The following DHRS7 variants were observed in gnomAD, a reference collection of about 807,000 sequenced individuals.
DHRS7 encodes dehydrogenase/reductase 7.
A neutral mutation model predicts 38.9 loss-of-function variants in DHRS7; 34 were observed. The ratio of observed to expected loss-of-function variants is 0.87; its 90% confidence interval spans 0.66 to 1.16. DHRS7 has a LOEUF of 1.16. DHRS7 is among the 50% of genes most tolerant of loss of function. The pLI is 0.00. For synonymous variants in DHRS7, 158 were observed against 153.1 expected, an observed-to-expected ratio of 1.03 and a Z score of -0.24; for missense variants, 421 against 407.0, an observed-to-expected ratio of 1.03 and a Z score of -0.30.
intron 4 of DHRS7, among the ~76,000 whole-genome samples, chr14:60,151,227 C>T (rs1206539413): frequency 6.6e-6 from 1 of 152,134 alleles, no homozygotes; most frequent in Non-Finnish European, 1.5e-5. Flanking sequence ...TGATTGCCTA[C>T]TGAATGACTT....
rs944445 is a variant in DHRS7, at chr14:60,161,890, G to A, written c.133+3287C>T. 0.27 allele frequency among the ~76,000 whole-genome samples: 41,349 copies of A among 152,034 alleles called. 7,650 individuals carry two copies. The highest frequency in any genetic ancestry group is 0.52 in the African/African-American group (21,496 of 41,414). On this transcript the variant is annotated intron_variant, in intron 1 of 6. Coordinates refer to ENST00000557185, the MANE Select transcript of DHRS7 (RefSeq NM_016029.4). This position sits in a 1 kb window ranked among gnomAD's most constrained non-coding sequence, Gnocchi z 4.2. ...TTGCAGTTGTTGCTTCAGACACTGA[G>A]GTCTACAAATGCAACCCAAGGTTGC...
chr14:60,144,908 G>T lies in DHRS7; in HGVS notation c.*58C>A. 7.4e-7 allele frequency: 1 copy of T among 1,356,154 alleles called. No individual in the cohort carries two copies. The highest frequency in any genetic ancestry group is 1.1e-6 in the Non-Finnish European group (1 of 949,128). The allele number at this position is 1,356,154 out of a possible 1,614,324, so 84.0% of individuals were successfully genotyped here. ...GATTATTCAGAAGCATAAGAAGATTGCTGTTTTCATGTTTTCCATTTCTCC... is the reference window on the plus strand; with the variant it reads ...GATTATTCAGAAGCATAAGAAGATTTCTGTTTTCATGTTTTCCATTTCTCC... On this transcript the variant is annotated 3_prime_UTR_variant, in exon 7 of 7. Coordinates refer to ENST00000557185, the MANE Select transcript of DHRS7 (RefSeq NM_016029.4).
chr14:60,152,367 A>C (rs1896562762), intron 4 of DHRS7, among the ~76,000 whole-genome samples: 2 of 152,192 alleles, frequency 1.3e-5, no homozygotes, highest in African/African-American at 2.4e-5. Flanking sequence ...TTCTTCTTCC[A>C]ATGAAACCAG....
intron 1 of DHRS7, among the ~76,000 whole-genome samples, chr14:60,158,316 T>C (rs541674172): frequency 4.0e-5 from 6 of 151,392 alleles, no homozygotes; most frequent in African/African-American, 7.3e-5. Flanking sequence ...TTTCCTGTCA[T>C]ATAACGTACT....
chr14:60,166,643 TC>T (rs10711394), upstream of DHRS7, among the ~76,000 whole-genome samples: 40,372 of 152,040 alleles, frequency 0.27, 7,270 homozygotes, highest in African/African-American at 0.51. Flanking sequence ...CCTACCTGCC[TC>T]CCCACCCTCA....
In DHRS7 at chr14:60,153,085, A is replaced by G. The variant is rs190571329; in HGVS notation, c.487T>C (p.Tyr163His). 8.7e-6 allele frequency: 14 copies of G among 1,614,232 alleles called. No individual in the cohort carries two copies. In the Admixed American group the frequency reaches 2.2e-4, roughly 25 times the overall value. The change falls in exon 4 of 7, where the codon TAC becomes CAC. Residue 163 changes from tyrosine (Y) to histidine (H), a missense_variant. By Grantham distance (83) the Tyr-to-His change is moderately conservative (BLOSUM62 2). Coordinates refer to ENST00000557185, the MANE Select transcript of DHRS7 (RefSeq NM_016029.4). This position sits in a 1 kb window ranked among gnomAD's most constrained non-coding sequence, Gnocchi z 4.4. ...DVYRKLIELNYLGTVSLTKCV... is the reference protein window; with the variant it reads ...DVYRKLIELNHLGTVSLTKCV... ...TTTGTCAAGGACACCGTCCCTAAGT[A>G]GTTAAGCTCTATTAGCTTTCTGTAG...
At position 60,165,155 on chromosome 14, in the gene DHRS7, A is replaced by G; in HGVS notation, c.133+22T>C. On this transcript the variant is annotated intron_variant, in intron 1 of 6. Coordinates refer to ENST00000557185, the MANE Select transcript of DHRS7 (RefSeq NM_016029.4). The surrounding 1 kb of genome is among the most constrained non-coding windows in gnomAD (Gnocchi z 4.6). Reference sequence around the variant, plus strand: ...CTCCGAGCCCGGCCTCCCACTCGGGAGAGGCTTTGGCCGGTCCTCACCTGG... The same window carrying G: ...CTCCGAGCCCGGCCTCCCACTCGGGGGAGGCTTTGGCCGGTCCTCACCTGG... 1 of 1,610,838 alleles carries G rather than the reference A, an allele frequency of 6.2e-7. No homozygotes were observed. The highest frequency in any genetic ancestry group is 1.3e-5 in the African/African-American group (1 of 74,996).
chr14:60,165,550 A>G, upstream of DHRS7: 1 of 1,266,976 alleles, frequency 7.9e-7, no homozygotes, highest in Non-Finnish European at 9.9e-7. The surrounding 1 kb of genome is among the most constrained non-coding windows in gnomAD (Gnocchi z 4.6). Flanking sequence ...GGGCCGGCAG[A>G]TTGCTTGAAT....
At position 60,144,692 on chromosome 14, in the gene DHRS7, C is replaced by A. The variant is rs1305707892; in HGVS notation, c.*274G>T. 9.2e-6 allele frequency: 3 copies of A among 327,796 alleles called. No individual in the cohort carries two copies. The allele number at this position is 327,796 out of a possible 1,614,324, so 20.3% of individuals were successfully genotyped here. A position where few individuals can be genotyped will look rare whatever the true frequency, so the allele number is the denominator to read the frequency against. On this transcript the variant is annotated 3_prime_UTR_variant, in exon 7 of 7. Transcript: ENST00000557185. ...TTATAGCAGCACAAATGGACTAAGA[C>A]AAATCTGTTAACTTAGATTTTAAGC...
At position 60,165,361 on chromosome 14, in the gene DHRS7, C is replaced by A. The variant is rs767512864; in HGVS notation, c.-52G>T. 7.4e-5 allele frequency: 114 copies of A among 1,537,542 alleles called. No individual in the cohort carries two copies. The South Asian group carries it at 1.3e-3, about 17-fold the overall frequency. ...GGAAGAAGACGGCCCGCACCAGAGT[C>A]GCGTCGCTGCCCTGCGGGATCGCAG... On this transcript the variant is annotated 5_prime_UTR_variant, in exon 1 of 7. Coordinates refer to ENST00000557185, the MANE Select transcript of DHRS7 (RefSeq NM_016029.4). This position sits in a 1 kb window ranked among gnomAD's most constrained non-coding sequence, Gnocchi z 4.6.
chr14:60,169,132 C>G (rs1010861676), upstream of DHRS7: 1 of 31,098 alleles, frequency 3.2e-5, no homozygotes, highest in Non-Finnish European at 5.9e-5. Flanking sequence ...ACAAAAGAAA[C>G]CAAAAAAAAA....
chr14:60,159,124 G>T, intron 1 of DHRS7: 1 of 413,178 alleles, frequency 2.4e-6, no homozygotes, highest in South Asian at 2.0e-5. Flanking sequence ...AAAATCATTT[G>T]GAATTGGAGG....
intron 4 of DHRS7, among the ~76,000 whole-genome samples, chr14:60,151,971 A>G (rs527279211): frequency 1.3e-5 from 2 of 152,282 alleles, no homozygotes; most frequent in African/African-American, 4.8e-5. Context: ...CAACTGCTCC[A>G]CAGGAAGTGA....
chr14:60,160,729 G>A (rs762323407), intron 1 of DHRS7, among the ~76,000 whole-genome samples: 4 of 152,038 alleles, frequency 2.6e-5, no homozygotes, highest in Admixed American at 6.6e-5. Flanking sequence ...GACTACAGGC[G>A]TGTACCATCA....
chr14:60,151,964 C>G (rs1330592152), intron 4 of DHRS7, among the ~76,000 whole-genome samples: 1 of 152,194 alleles, frequency 6.6e-6, no homozygotes, highest in Non-Finnish European at 1.5e-5. Context: ...GCTTGCCCAA[C>G]TGCTCCACAG....
At chr14:60,166,437 G>C (rs1009292039), upstream of DHRS7, 2 of 176,390 alleles carry the variant, frequency 1.1e-5, no homozygotes, top group African/African-American at 2.4e-5. Context: ...CTCTTCCTTG[G>C]CTGAAACTAA....
Position 60,156,068 on chromosome 14 carries a change from A to G in DHRS7, c.218T>C (p.Leu73Pro). ...GEELAYQLSK[L>P]GVSLVLSARR... ...GGCTGACAGCACAAGAGAAACTCCT[A>G]GTTTAGACAACTGGTAAGCCAGCTC... The change falls in exon 2 of 7, where the codon CTA becomes CCA. Residue 73 changes from leucine (L) to proline (P), a missense_variant. Leu to Pro is a moderately conservative substitution (Grantham distance 98, BLOSUM62 -3). Coordinates refer to ENST00000557185, the MANE Select transcript of DHRS7 (RefSeq NM_016029.4). 6.2e-7 allele frequency: 1 copy of G among 1,607,370 alleles called. No homozygotes were observed. The highest frequency in any genetic ancestry group is 8.5e-7 in the Non-Finnish European group (1 of 1,176,856).
chr14:60,167,833 G>C (rs530020711), upstream of DHRS7, among the ~76,000 whole-genome samples: 1 of 152,304 alleles, frequency 6.6e-6, no homozygotes, highest in Admixed American at 6.5e-5. Context: ...AGTGGCCATA[G>C]TGCCAGCTAG....
chr14:60,163,147 C>A (rs1382562439), intron 1 of DHRS7, among the ~76,000 whole-genome samples: 2 of 151,200 alleles, frequency 1.3e-5, no homozygotes, highest in Non-Finnish European at 2.9e-5. Context: ...TCCAGCCTGG[C>A]CAACAGAGCG....
Sources: allele counts gnomAD v4.1 joint callset (sites outside exome capture counted in the v4.1 genomes callset), GRCh38; gene constraint gnomAD v4.1.1; non-coding constraint Gnocchi (gnomAD v3.1); transcripts MANE v1.5; gene names NCBI Gene and HGNC (gene_info 2026-07-23, HGNC 2026-07-21).